MEGF9: variants seen among roughly 807,000 people sequenced by gnomAD.
MEGF9 encodes the protein multiple EGF like domains 9.
In MEGF9, 6 loss-of-function variants were observed where a neutral mutation model predicts 46.8. That is an observed-to-expected ratio of 0.13 (90% CI 0.07 to 0.25). The LOEUF is 0.25. Among genes scored for constraint, MEGF9 ranks in the 10% least tolerant of loss-of-function variants. The probability of loss-of-function intolerance (pLI) is 1.00; values close to 1 mark genes in which losing one functional copy is unlikely to be tolerated. For synonymous variants in MEGF9, 302 were observed against 330.7 expected (o/e 0.91, Z 0.94); for missense variants, 683 against 792.4 (o/e 0.86, Z 1.66).
rs1587976246 is a variant in MEGF9 at position 120,622,825 on chromosome 9, A to C, written c.804-70T>G. 7.3e-6 allele frequency: 11 copies of C among 1,506,106 alleles called. No homozygotes were observed. In the East Asian group the frequency reaches 2.5e-4, roughly 34 times the overall value. The allele number at this position is 1,506,106 out of a possible 1,614,324, so 93.3% of individuals were successfully genotyped here. On this transcript the variant is annotated intron_variant, in intron 2 of 5. Coordinates refer to ENST00000373930, the MANE Select transcript of MEGF9 (RefSeq NM_001080497.3). ...AAAGTTGTATTGAGTAACACCCCAG[A>C]AGGGAAAGAAAGCCCAGCTCATGTA...
intron 1 of MEGF9, among the ~76,000 whole-genome samples, chr9:120,700,401 T>C (rs1009365797): frequency 2.0e-4 from 31 of 152,208 alleles, no homozygotes; most frequent in African/African-American, 7.2e-4. Context: ...AACAACTAGA[T>C]TGCTTTGGGT....
intron 1 of MEGF9, among the ~76,000 whole-genome samples, chr9:120,692,715 C>A (rs1406014558): frequency 1.3e-5 from 2 of 152,162 alleles, no homozygotes; most frequent in African/African-American, 4.8e-5. Flanking sequence ...GACTTCAGTT[C>A]CCTAAATGGG....
chr9:120,649,808 C>T (rs2043641796), intron 2 of MEGF9, among the ~76,000 whole-genome samples: 1 of 152,064 alleles, frequency 6.6e-6, no homozygotes, highest in Admixed American at 6.6e-5. Context: ...CCTTGTTTTG[C>T]TTAAAGTCGC....
At chr9:120,639,328 G>T (rs2043592007) in intron 2 of MEGF9, among the ~76,000 whole-genome samples, 1 of 151,788 alleles carries the variant, frequency 6.6e-6, no homozygotes, top group Admixed American at 6.6e-5. Flanking sequence ...GGCCAACATG[G>T]TGAGACCCTG....
chr9:120,699,850 CA>C lies in MEGF9; in HGVS notation c.601+13907del, dbSNP rs1181343167. 7.9e-5 allele frequency among the ~76,000 whole-genome samples: 12 copies of C among 151,664 alleles called. No homozygotes were observed. The East Asian group carries it at 2.3e-3, about 29-fold the overall frequency. On this transcript the variant is annotated intron_variant, in intron 1 of 5. Coordinates refer to ENST00000373930, the MANE Select transcript of MEGF9 (RefSeq NM_001080497.3). ...TGAGATAAAGATTATTTTGTTTTCT[CA>C]AGGTAGTGGGGAAGAAAAATAATAC... is the stretch of plus-strand genomic sequence containing the variant.
intron 3 of MEGF9, 33 bp downstream of exon 3, chr9:120,622,583 T>TA (rs760506419): frequency 3.1e-6 from 5 of 1,610,522 alleles, no homozygotes; most frequent in Admixed American, 1.7e-5. Context: ...AACAGTGGAA[T>TA]AATTACATGA....
At chr9:120,615,343 T>A (rs560568609) in intron 3 of MEGF9, among the ~76,000 whole-genome samples, 1 of 150,466 alleles carries the variant, frequency 6.6e-6, no homozygotes, top group African/African-American at 2.4e-5. Flanking sequence ...AATCCTTTAC[T>A]CCTACAGGGC....
intron 3 of MEGF9, among the ~76,000 whole-genome samples, chr9:120,618,937 C>A (rs2043485408): frequency 1.3e-5 from 2 of 151,670 alleles, no homozygotes; most frequent in African/African-American, 4.8e-5. Flanking sequence ...TCTTTGTAAT[C>A]TTTCCTCATT....
chr9:120,625,849 A>AGAAAG (rs1554795109), intron 2 of MEGF9, among the ~76,000 whole-genome samples: 1 of 33,138 alleles, frequency 3.0e-5, no homozygotes, highest in East Asian at 9.0e-4. Context: ...AAAAAAAAAA[A>AGAAAG]AAAAAAAGAA....
chr9:120,639,526 A>G (rs898849265), intron 2 of MEGF9, among the ~76,000 whole-genome samples: 1 of 151,300 alleles, frequency 6.6e-6, no homozygotes, highest in Non-Finnish European at 1.5e-5. Context: ...AAAAAAAAAA[A>G]AAAAAAAGAT....
At chr9:120,638,058 T>A (rs2043586527) in intron 2 of MEGF9, among the ~76,000 whole-genome samples, 1 of 152,076 alleles carries the variant, frequency 6.6e-6, no homozygotes, top group Admixed American at 6.5e-5. Flanking sequence ...AGTGATGCGA[T>A]CACAGCTCAC....
At chr9:120,660,405 C>A (rs1335425124) in intron 1 of MEGF9, among the ~76,000 whole-genome samples, 3 of 152,138 alleles carry the variant, frequency 2.0e-5, no homozygotes, top group Non-Finnish European at 4.4e-5. Flanking sequence ...TACAAACAAT[C>A]CAATTATACT....
intron 2 of MEGF9, among the ~76,000 whole-genome samples, chr9:120,644,660 AG>A (rs1428734660): frequency 6.6e-6 from 1 of 152,218 alleles, no homozygotes; most frequent in African/African-American, 2.4e-5. Flanking sequence ...TCTGTAAAAT[AG>A]AATATATCAC....
intron 2 of MEGF9, among the ~76,000 whole-genome samples, chr9:120,627,207 A>C (rs1304523851): frequency 6.6e-6 from 1 of 152,184 alleles, no homozygotes; most frequent in Admixed American, 6.5e-5. Context: ...TTAATCGAGA[A>C]GAGAAAGGAT....
At chr9:120,633,997 C>G (rs1484225248) in intron 2 of MEGF9, among the ~76,000 whole-genome samples, 1 of 152,164 alleles carries the variant, frequency 6.6e-6, no homozygotes, top group East Asian at 1.9e-4. Context: ...GTGTTGTAGT[C>G]TAACATGTGG....
At chr9:120,621,751 G>C (rs2043500153) in intron 3 of MEGF9, among the ~76,000 whole-genome samples, 1 of 151,984 alleles carries the variant, frequency 6.6e-6, no homozygotes, top group Non-Finnish European at 1.5e-5. Flanking sequence ...GTATATAAAA[G>C]AACCAGAGAG....
At chr9:120,607,044 G>T (rs2043422949) in intron 5 of MEGF9, among the ~76,000 whole-genome samples, 1 of 152,026 alleles carries the variant, frequency 6.6e-6, no homozygotes, top group South Asian at 2.1e-4. Flanking sequence ...CAAGAAAATG[G>T]CAGAAAGATG....
In MEGF9 at chr9:120,685,465, C is replaced by G. The variant is rs553446084; in HGVS notation, c.602-25890G>C. ...TCCTGAAGTAATAGTCTTGGAGAAA[C>G]AGGCAATGTTAGATAAAATATCTAA... On this transcript the variant is annotated intron_variant, in intron 1 of 5. Transcript: ENST00000373930. Among the ~76,000 whole-genome samples, 89 of 152,288 alleles carry G rather than the reference C, an allele frequency of 5.8e-4. No individual in the cohort carries two copies. The Middle Eastern group carries it at 0.014, about 23-fold the overall frequency.
intron 2 of MEGF9, among the ~76,000 whole-genome samples, chr9:120,652,593 C>A (rs2043658467): frequency 7.1e-6 from 1 of 140,618 alleles, no homozygotes; most frequent in Non-Finnish European, 1.5e-5. Context: ...GACACAGGCA[C>A]ACACACACAC....
Sources: gnomAD v4.1 joint callset for allele counts (sites outside exome capture counted in the v4.1 genomes callset) on GRCh38, gnomAD v4.1.1 for gene constraint, MANE v1.5 for transcripts, NCBI Gene and HGNC (gene_info 2026-07-23, HGNC 2026-07-21) for gene names.